The following TMC1 variants were observed in gnomAD, a reference collection of about 807,000 sequenced individuals.
TMC1 encodes the protein transmembrane channel like 1.
In TMC1, 84 loss-of-function variants were observed where a neutral mutation model predicts 105.8. The observed-to-expected ratio is 0.79, with a 90% CI of 0.67 to 0.95. The LOEUF (loss-of-function observed/expected upper bound fraction) is 0.95, where lower values mean the gene tolerates loss of function less well. Ranked by LOEUF, TMC1 falls within the 40% of genes least tolerant of loss-of-function variation. TMC1 has a pLI of 0.00. For missense variants in TMC1, 817 were observed against 914.1 expected (o/e 0.89, Z 1.37); for synonymous variants, 315 against 311.5 (o/e 1.01, Z -0.12).
At chr9:72,772,678 A>G in intron 13 of TMC1, 123 bp downstream of exon 13, 1 of 1,307,512 alleles carries the variant, frequency 7.6e-7, no homozygotes, top group Non-Finnish European at 1.1e-6. Context: ...AGTCTGTAAG[A>G]GATGAAATGT....
Position 72,792,219 on chromosome 9 carries a change from A to C in TMC1, c.1433A>C (p.Asn478Thr). Residue 478 changes from asparagine (N) to threonine (T), a missense_variant, in exon 17 of 24, where the codon AAT (asparagine) becomes ACT (threonine). Physicochemically the swap from Asn to Thr is moderately conservative, Grantham distance 65. Transcript: ENST00000297784. ...KIEEEKLVKA[N>T]ITLWEANMIK... ...GAAGAGGAGAAGCTAGTAAAGGCCA[A>C]TATTACCCTTTGGGAAGCCAATATG... The C allele has an allele frequency of 6.2e-7, 1 of 1,614,166 alleles. No individual in the cohort carries two copies. The highest frequency in any genetic ancestry group is 8.5e-7 in the Non-Finnish European group (1 of 1,180,020).
intron 8 of TMC1, among the ~76,000 whole-genome samples, chr9:72,720,342 T>A (rs1827000947): frequency 6.6e-6 from 1 of 152,202 alleles, no homozygotes; most frequent in African/African-American, 2.4e-5. Flanking sequence ...CATGGCTTAG[T>A]AAGCTTATTT....
At chr9:72,766,687 G>T (rs946562325) in intron 12 of TMC1, among the ~76,000 whole-genome samples, 2 of 152,070 alleles carry the variant, frequency 1.3e-5, no homozygotes, top group African/African-American at 4.8e-5. Context: ...TGCTTGAGGG[G>T]CAGAGATCAC....
chr9:72,744,976 CTCT>C (rs1827465547), intron 10 of TMC1, among the ~76,000 whole-genome samples: 1 of 152,160 alleles, frequency 6.6e-6, no homozygotes, highest in African/African-American at 2.4e-5. Flanking sequence ...CTCTCTTCTT[CTCT>C]TCTTCTAGTA....
At chr9:72,832,143 G>A (rs1188537002) in intron 23 of TMC1, among the ~76,000 whole-genome samples, 1 of 151,748 alleles carries the variant, frequency 6.6e-6, no homozygotes, top group East Asian at 1.9e-4. Context: ...TTTGAAGTGA[G>A]GTCTTGCTAA....
chr9:72,739,090 C>G (rs2793169), intron 8 of TMC1, among the ~76,000 whole-genome samples: 35,136 of 152,122 alleles, frequency 0.23, 4,400 homozygotes, highest in East Asian at 0.39. Context: ...TAAACAACAG[C>G]CATTTATTTC....
At chr9:72,546,870 T>C (rs571705528) in intron 1 of TMC1, among the ~76,000 whole-genome samples, 1 of 152,376 alleles carries the variant, frequency 6.6e-6, no homozygotes, top group East Asian at 1.9e-4. Flanking sequence ...CAAAAGTTGG[T>C]ACTCATTTCT....
intron 6 of TMC1, among the ~76,000 whole-genome samples, chr9:72,693,251 A>G (rs1331592536): frequency 2.6e-5 from 4 of 152,236 alleles, no homozygotes; most frequent in Non-Finnish European, 5.9e-5. Context: ...ATTAAAGATA[A>G]TTTTGAAAAA....
chr9:72,786,376 G>A (rs1265801941), intron 13 of TMC1, among the ~76,000 whole-genome samples: 1 of 152,232 alleles, frequency 6.6e-6, no homozygotes, highest in Admixed American at 6.5e-5. Flanking sequence ...CCCGGGAGGC[G>A]GAGCTTGCAT....
At chr9:72,815,653 G>A (rs1564573663) in intron 18 of TMC1, among the ~76,000 whole-genome samples, 1 of 152,002 alleles carries the variant, frequency 6.6e-6, no homozygotes, top group Non-Finnish European at 1.5e-5. Flanking sequence ...CAAAATGATT[G>A]TAATTCATTG....
chr9:72,609,181 CT>C (rs1215524712), intron 2 of TMC1, among the ~76,000 whole-genome samples: 16 of 46,330 alleles, frequency 3.5e-4, no homozygotes, highest in African/African-American at 8.0e-4. Context: ...TCCTCCTTCC[CT>C]TCCTTCCTTC....
rs976392519 is a variant in TMC1, at chr9:72,763,323, G to A, written c.741+8439G>A. Among the ~76,000 whole-genome samples the A allele has an allele frequency of 2.0e-5, 3 of 152,032 alleles. 1 individual carries two copies. Among genetic ancestry groups the A allele is most frequent in the Non-Finnish European group, 2.9e-5 (2 of 68,020 alleles). On this transcript the variant is annotated intron_variant, in intron 12 of 23. Coordinates refer to ENST00000297784, the MANE Select transcript of TMC1 (RefSeq NM_138691.3). ...TTGTTGGGCATTTGCCAGGTGCCAG[G>A]CATTAAGCAAAGATGAGAAAACCCA... is the stretch of plus-strand genomic sequence containing the variant.
intron 4 of TMC1, among the ~76,000 whole-genome samples, chr9:72,640,324 G>A (rs139144991): frequency 5.1e-4 from 78 of 152,244 alleles, no homozygotes; most frequent in African/African-American, 1.9e-3. Flanking sequence ...AAATTTTATG[G>A]TCGCCAATCC....
chr9:72,603,862 T>G (rs1433079524), intron 2 of TMC1, among the ~76,000 whole-genome samples: 19 of 144,654 alleles, frequency 1.3e-4, no homozygotes, highest in African/African-American at 2.9e-4. Context: ...TTTTTTTTTT[T>G]TTTTTTTTTT....
chr9:72,683,347 G>A (rs1005112931), intron 5 of TMC1, among the ~76,000 whole-genome samples: 2 of 151,886 alleles, frequency 1.3e-5, no homozygotes, highest in African/African-American at 4.8e-5. Context: ...ACATATACAT[G>A]CATACACATG....
At chr9:72,674,813 A>G (rs904286169) in intron 5 of TMC1, among the ~76,000 whole-genome samples, 8 of 152,176 alleles carry the variant, frequency 5.3e-5, no homozygotes, top group Non-Finnish European at 8.8e-5. Flanking sequence ...AGGAAAATTG[A>G]TGGTCTTTGT....
At chr9:72,786,396 A>G (rs1239707500) in intron 13 of TMC1, among the ~76,000 whole-genome samples, 2 of 152,330 alleles carry the variant, frequency 1.3e-5, no homozygotes, top group East Asian at 3.9e-4. Flanking sequence ...TTGAGCCGAG[A>G]TCGCGCCACT....
At chr9:72,643,859 G>C (rs1052914891) in intron 4 of TMC1, among the ~76,000 whole-genome samples, 2 of 152,126 alleles carry the variant, frequency 1.3e-5, no homozygotes, top group Non-Finnish European at 2.9e-5. Context: ...CCAAATTGTT[G>C]TCCAAAGTGT....
At chr9:72,706,911 A>C (rs1826751523) in intron 8 of TMC1, among the ~76,000 whole-genome samples, 1 of 151,760 alleles carries the variant, frequency 6.6e-6, no homozygotes. Context: ...AGTAGCTGGG[A>C]TTACAGGCAT....
Sources: gnomAD v4.1 joint callset for allele counts (sites outside exome capture counted in the v4.1 genomes callset) on GRCh38, gnomAD v4.1.1 for gene constraint, MANE v1.5 for transcripts, NCBI Gene and HGNC (gene_info 2026-07-23, HGNC 2026-07-21) for gene names.